ATG7: variants seen among roughly 807,000 people sequenced by gnomAD.
The protein encoded by ATG7 is autophagy related 7.
Under a neutral mutation model 82.4 loss-of-function variants are expected in ATG7, and 70 were observed. That is an observed-to-expected ratio of 0.85 (90% confidence interval 0.70 to 1.04). ATG7 has a LOEUF of 1.04. Ranked by LOEUF, ATG7 falls within the 50% of genes least tolerant of loss-of-function variation. The probability of loss-of-function intolerance (pLI) is 0.00; values close to 1 mark genes in which losing one functional copy is unlikely to be tolerated. For synonymous variants in ATG7, 287 were observed against 313.0 expected (o/e 0.92, Z 0.88); for missense variants, 792 against 864.3 (o/e 0.92, Z 1.05).
chr3:11,514,976 G>A (rs916419079), intron 20 of ATG7, among the ~76,000 whole-genome samples: 6 of 151,742 alleles, frequency 4.0e-5, no homozygotes, highest in Admixed American at 3.9e-4. Flanking sequence ...GAGTAGCTGG[G>A]ATTACAGGTG....
rs192116778 is a variant in ATG7 at position 11,458,515 on chromosome 3, G to A, written c.2079+31589G>A. ...CCTGACCTCGTGATCCGCCCGCCTC[G>A]GCATCCCAAAGTGCCGGGATTACAG... On this transcript the variant is annotated intron_variant, in intron 20 of 20. Transcript: ENST00000693202. 1.2e-3 allele frequency among the ~76,000 whole-genome samples: 179 copies of A among 152,124 alleles called. 2 individuals carry two copies. The East Asian group carries it at 0.03, about 26-fold the overall frequency.
At chr3:11,408,338 C>G (rs1448452374) in intron 19 of ATG7, among the ~76,000 whole-genome samples, 1 of 152,154 alleles carries the variant, frequency 6.6e-6, no homozygotes, top group Non-Finnish European at 1.5e-5. Context: ...GCATTTTTGT[C>G]AAAGCCATTC....
At chr3:11,343,356 A>G (rs921485742) in intron 13 of ATG7, among the ~76,000 whole-genome samples, 3 of 152,168 alleles carry the variant, frequency 2.0e-5, no homozygotes, top group African/African-American at 7.2e-5. Context: ...AGTAACATTT[A>G]TTGTTTGAAT....
At chr3:11,504,507 C>T (rs756301763) in intron 20 of ATG7, among the ~76,000 whole-genome samples, 2 of 152,106 alleles carry the variant, frequency 1.3e-5, no homozygotes, top group African/African-American at 2.4e-5. Flanking sequence ...AAAACAGTAG[C>T]GAAGGGAAGC....
Position 11,307,051 on chromosome 3 carries a change from A to C in ATG7, c.324A>C (p.Ala108=), listed in dbSNP as rs1265757093. The C allele has an allele frequency of 1.2e-6, 2 of 1,612,842 alleles. No individual in the cohort carries two copies. The change falls in exon 6 of 21, where the codon GCA becomes GCC. Residue 108 remains alanine (A), a synonymous_variant. Coordinates refer to ENST00000693202, the MANE Select transcript of ATG7 (RefSeq NM_001349232.2). ...ATAAGAAGCTCCTTTTGGAACAAGC[A>C]GCAAATGAGGTTAGCTGTGAAAACG... The part of the protein sequence containing the change: ...TADKKLLLEQ[A]ANEIWESIKS...
chr3:11,360,635 C>G lies in ATG7; in HGVS notation c.1534C>G (p.Leu512Val), dbSNP rs778556058. The change falls in exon 16 of 21, where the codon CTG (leucine) becomes GTG (valine). Residue 512 changes from leucine to valine, a missense_variant. Transcript: ENST00000693202. ...FDTFVVMRHG[L>V]KKPKQQGAGD... ...CACATTTGTTGTCATGAGACATGGT[C>G]TGAAGAAACCAAAGCAGCAAGGAGC... 1 of 1,614,160 alleles carries G rather than the reference C, an allele frequency of 6.2e-7. No individual in the cohort carries two copies. Among genetic ancestry groups the G allele is most frequent in the Non-Finnish European group, 8.5e-7 (1 of 1,180,036 alleles).
intron 7 of ATG7, among the ~76,000 whole-genome samples, chr3:11,310,063 G>A (rs1410740343): frequency 1.3e-5 from 2 of 151,926 alleles, no homozygotes; most frequent in Non-Finnish European, 2.9e-5. Flanking sequence ...CTACTGGGGA[G>A]CTGAGGTGGG....
At chr3:11,518,153 G>A (rs746710990) in intron 20 of ATG7, among the ~76,000 whole-genome samples, 2 of 152,174 alleles carry the variant, frequency 1.3e-5, no homozygotes, top group African/African-American at 2.4e-5. Flanking sequence ...AGAAAGACTA[G>A]TTGTAGAGAG....
At chr3:11,455,040 G>A (rs377087790) in intron 20 of ATG7, among the ~76,000 whole-genome samples, 3 of 152,220 alleles carry the variant, frequency 2.0e-5, no homozygotes, top group African/African-American at 2.4e-5. Flanking sequence ...TATTTCTCTC[G>A]AGTACAGTTA....
intron 20 of ATG7, chr3:11,529,620 A>G (rs2092654578): frequency 6.3e-6 from 1 of 157,744 alleles, no homozygotes; most frequent in Admixed American, 6.3e-5. Flanking sequence ...TGTCCCTGTG[A>G]CCACCTGGCT....
intron 19 of ATG7, among the ~76,000 whole-genome samples, chr3:11,383,338 TG>T (rs2078059937): frequency 6.6e-6 from 1 of 152,216 alleles, no homozygotes; most frequent in African/African-American, 2.4e-5. Context: ...TGGATTTGTC[TG>T]ATGTTTCCCT....
At chr3:11,503,913 A>C (rs894855272) in intron 20 of ATG7, among the ~76,000 whole-genome samples, 1 of 152,138 alleles carries the variant, frequency 6.6e-6, no homozygotes, top group African/African-American at 2.4e-5. Flanking sequence ...GGGAGAAAAG[A>C]TGAAAAGATG....
downstream of ATG7, chr3:11,558,622 C>G (rs1182226839): frequency 3.1e-6 from 5 of 1,608,546 alleles, no homozygotes; most frequent in Admixed American, 1.7e-5. Flanking sequence ...CGGGCTGGCC[C>G]CTGCGAGAGG....
chr3:11,498,270 AACAGCAATC>A (rs2091017263), intron 20 of ATG7, among the ~76,000 whole-genome samples: 1 of 152,174 alleles, frequency 6.6e-6, no homozygotes, highest in Non-Finnish European at 1.5e-5. Flanking sequence ...AGAATTCCAA[AACAGCAATC>A]TTCCCAGCAC....
At chr3:11,491,024 G>T (rs1419125934) in intron 20 of ATG7, among the ~76,000 whole-genome samples, 2 of 152,188 alleles carry the variant, frequency 1.3e-5, no homozygotes, top group Non-Finnish European at 2.9e-5. Context: ...GGCCTACCTT[G>T]CTAGATTGGG....
At chr3:11,454,520 G>C (rs2085509659) in intron 20 of ATG7, among the ~76,000 whole-genome samples, 1 of 152,194 alleles carries the variant, frequency 6.6e-6, no homozygotes, top group Non-Finnish European at 1.5e-5. Context: ...AGCTGAGCCT[G>C]GCTGGGCTGA....
At chr3:11,561,521 G>A (rs2073000215), downstream of ATG7, among the ~76,000 whole-genome samples, 1 of 152,156 alleles carries the variant, frequency 6.6e-6, no homozygotes, top group Non-Finnish European at 1.5e-5. Flanking sequence ...GAGCCCTCGT[G>A]GGACTGGCTC....
chr3:11,570,260 G>GCTCCATCCCCTCC, the ATG7 span, among the ~76,000 whole-genome samples: 1 of 151,528 alleles, frequency 6.6e-6, no homozygotes, highest in African/African-American at 2.4e-5. Context: ...CCATCACCTC[G>GCTCCATCCCCTCC]CAGCTCCATC....
At chr3:11,508,839 G>C (rs1043290070) in intron 20 of ATG7, among the ~76,000 whole-genome samples, 4 of 152,206 alleles carry the variant, frequency 2.6e-5, no homozygotes, top group Non-Finnish European at 4.4e-5. Flanking sequence ...GGCTTCTGAA[G>C]TGTGTTTGTC....
Sources: allele counts gnomAD v4.1 joint callset (sites outside exome capture counted in the v4.1 genomes callset), GRCh38; gene constraint gnomAD v4.1.1; transcripts MANE v1.5; gene names NCBI Gene and HGNC (gene_info 2026-07-23, HGNC 2026-07-21).